The following PCDH15 variants were observed in gnomAD, a reference collection of about 807,000 sequenced individuals.
PCDH15 encodes protocadherin-15.
Under a neutral mutation model 178.5 loss-of-function variants are expected in PCDH15, and 129 were observed. The ratio of observed to expected loss-of-function variants is 0.72; its 90% CI spans 0.63 to 0.84. PCDH15 has a LOEUF of 0.84. Ranked by LOEUF, PCDH15 falls within the 40% of genes least tolerant of loss-of-function variation. The probability of loss-of-function intolerance (pLI) is 0.00; values close to 1 mark genes in which losing one functional copy is unlikely to be tolerated. For synonymous variants in PCDH15, 800 were observed against 732.0 expected (o/e 1.09, Z -1.50); for missense variants, 2,230 against 2,099.9 (o/e 1.06, Z -1.21).
chr10:55,037,374 C>T (rs1289327361), intron 2 of PCDH15, among the ~76,000 whole-genome samples: 2 of 152,062 alleles, frequency 1.3e-5, no homozygotes, highest in Non-Finnish European at 2.9e-5. Context: ...GCTGGGATTA[C>T]AGGCGCCGGC....
chr10:54,766,550 A>C (rs1264278991), intron 1 of PCDH15, among the ~76,000 whole-genome samples: 5 of 152,062 alleles, frequency 3.3e-5, no homozygotes, highest in Admixed American at 6.5e-5. Flanking sequence ...ACAAGAAAAA[A>C]AAAAAGGAGT....
chr10:55,335,174 T>G (rs989239656), intron 2 of PCDH15, among the ~76,000 whole-genome samples: 4 of 152,146 alleles, frequency 2.6e-5, no homozygotes, highest in African/African-American at 9.7e-5. Context: ...AATTTCTTCT[T>G]CCTTTCAACT....
intron 28 of PCDH15, among the ~76,000 whole-genome samples, chr10:53,846,136 A>G (rs16937794): frequency 0.03 from 4,612 of 151,998 alleles, 144 homozygotes; most frequent in East Asian, 0.15. Flanking sequence ...AAATGCAAAT[A>G]GTACAATCAA....
chr10:54,403,016 A>G (rs1009707790), intron 3 of PCDH15, among the ~76,000 whole-genome samples: 1 of 152,068 alleles, frequency 6.6e-6, no homozygotes, highest in Non-Finnish European at 1.5e-5. Context: ...TCCAACAGTT[A>G]GCCAAGCTAT....
chr10:54,084,248 A>T (rs1565214969), intron 16 of PCDH15, among the ~76,000 whole-genome samples: 1 of 151,842 alleles, frequency 6.6e-6, no homozygotes, highest in East Asian at 2.0e-4. Context: ...GAGCTTATTT[A>T]AAAGCTCTGT....
chr10:55,102,279 T>A (rs1842591342), intron 2 of PCDH15, among the ~76,000 whole-genome samples: 1 of 152,110 alleles, frequency 6.6e-6, no homozygotes, highest in Non-Finnish European at 1.5e-5. Context: ...ACTCTGAGTA[T>A]CTTAGCTGTT....
At chr10:54,914,398 G>A (rs1329692271) in intron 2 of PCDH15, among the ~76,000 whole-genome samples, 1 of 152,108 alleles carries the variant, frequency 6.6e-6, no homozygotes. Context: ...GTTTTGCAAT[G>A]ATGGGCCAGT....
intron 33 of PCDH15, 149 bp downstream of exon 33, chr10:53,820,016 C>T (rs1327150652): frequency 1.8e-5 from 7 of 388,912 alleles, no homozygotes; most frequent in Non-Finnish European, 2.7e-5. Context: ...GGTACCTACA[C>T]AAATATGTTT....
chr10:54,127,744 C>T (rs2042102664), intron 15 of PCDH15, among the ~76,000 whole-genome samples: 1 of 152,104 alleles, frequency 6.6e-6, no homozygotes, highest in Non-Finnish European at 1.5e-5. Context: ...GGAATATCAG[C>T]TCCTTAAGAA....
At chr10:54,187,127 G>A (rs540665804) in intron 11 of PCDH15, among the ~76,000 whole-genome samples, 31 of 151,896 alleles carry the variant, frequency 2.0e-4, no homozygotes, top group African/African-American at 6.3e-4. Flanking sequence ...AATTTATTCG[G>A]ACCTTTAAAC....
chr10:55,134,328 G>A (rs1415474148), intron 2 of PCDH15, among the ~76,000 whole-genome samples: 1 of 152,122 alleles, frequency 6.6e-6, no homozygotes, highest in Non-Finnish European at 1.5e-5. Flanking sequence ...ATTTGCCCAA[G>A]TATTATTTTC....
intron 10 of PCDH15, among the ~76,000 whole-genome samples, chr10:54,204,905 C>A (rs1464284376): frequency 1.3e-5 from 2 of 152,162 alleles, no homozygotes; most frequent in Non-Finnish European, 2.9e-5. Flanking sequence ...TATCTGCTGC[C>A]TTAAAATAAT....
intron 2 of PCDH15, among the ~76,000 whole-genome samples, chr10:55,101,369 A>G (rs1365796951): frequency 2.6e-5 from 4 of 151,586 alleles, no homozygotes; most frequent in Non-Finnish European, 5.9e-5. Flanking sequence ...AGCCTGGGTG[A>G]CAGAGCAAGA....
intron 3 of PCDH15, among the ~76,000 whole-genome samples, chr10:54,836,962 T>C (rs1953327664): frequency 6.6e-6 from 1 of 152,106 alleles, no homozygotes. Context: ...CAGAAACCTG[T>C]TGAAATACTT....
At chr10:53,817,542 G>A (rs1039062370) in intron 34 of PCDH15, among the ~76,000 whole-genome samples, 163 of 26,368 alleles carry the variant, frequency 6.2e-3, no homozygotes, top group African/African-American at 0.021. Context: ...TTTTTTTTTT[G>A]AGACAGAGTC....
chr10:54,038,224 T>C (rs1472529041), intron 18 of PCDH15, among the ~76,000 whole-genome samples: 2 of 151,970 alleles, frequency 1.3e-5, no homozygotes, highest in African/African-American at 4.8e-5. Flanking sequence ...GTCTGATTTA[T>C]TTATTTTGCA....
intron 1 of PCDH15, among the ~76,000 whole-genome samples, chr10:54,700,691 C>A (rs1246395044): frequency 6.6e-6 from 1 of 151,948 alleles, no homozygotes; most frequent in Non-Finnish European, 1.5e-5. Flanking sequence ...TGGACAAAAC[C>A]TTTGAGAACT....
At chr10:55,222,728 C>CAT (rs1309226129) in intron 1 of PCDH15, among the ~76,000 whole-genome samples, 2 of 49,734 alleles carry the variant, frequency 4.0e-5, no homozygotes, top group East Asian at 4.7e-4. Context: ...CACACACACA[C>CAT]ACATATATAT....
chr10:54,996,264 A>T (rs1376356231), intron 2 of PCDH15, among the ~76,000 whole-genome samples: 2 of 152,152 alleles, frequency 1.3e-5, no homozygotes, highest in Admixed American at 6.5e-5. Flanking sequence ...TAGGAAGAAT[A>T]GCCTTTGACA....
Sources: gnomAD v4.1 joint callset for allele counts (sites outside exome capture counted in the v4.1 genomes callset) on GRCh38, gnomAD v4.1.1 for gene constraint, MANE v1.5 for transcripts, NCBI Gene and HGNC (gene_info 2026-07-23, HGNC 2026-07-21) for gene names.